GRM8: variants seen among roughly 807,000 people sequenced by gnomAD.
GRM8 encodes glutamate metabotropic receptor 8.
In GRM8, 47 loss-of-function variants were observed where a neutral mutation model predicts 87.2. The observed-to-expected ratio is 0.54, with a 90% CI of 0.43 to 0.69. GRM8 has a LOEUF of 0.69. GRM8 is among the 30% of genes least tolerant of loss of function. GRM8 has a pLI of 0.00. For missense variants in GRM8, 1,019 were observed against 1,139.2 expected, an observed-to-expected ratio of 0.89 and a Z score of 1.52; for synonymous variants, 396 against 404.5, an observed-to-expected ratio of 0.98 and a Z score of 0.25.
chr7:126,827,984 T>G (rs1794986690), intron 6 of GRM8, among the ~76,000 whole-genome samples: 1 of 152,142 alleles, frequency 6.6e-6, no homozygotes, highest in Admixed American at 6.6e-5. Flanking sequence ...TGGTTTTTGT[T>G]TTTGGTTCTG....
chr7:126,700,002 G>A (rs1809762284), intron 7 of GRM8, among the ~76,000 whole-genome samples: 1 of 152,136 alleles, frequency 6.6e-6, no homozygotes. Flanking sequence ...GGGAGATGGA[G>A]GATGTTAACT....
intron 8 of GRM8, among the ~76,000 whole-genome samples, chr7:126,600,098 G>C (rs1797587092): frequency 6.6e-6 from 1 of 152,098 alleles, no homozygotes; most frequent in Non-Finnish European, 1.5e-5. Flanking sequence ...AGTTTAAGGT[G>C]ATCATTGATT....
intron 2 of GRM8, among the ~76,000 whole-genome samples, chr7:127,130,551 G>A (rs567845494): frequency 4.8e-4 from 73 of 152,102 alleles, no homozygotes; most frequent in Non-Finnish European, 7.6e-4. Flanking sequence ...TTTTGCCCCC[G>A]CCCTAGAGAT....
At chr7:127,012,532 C>T (rs1483456037) in intron 3 of GRM8, among the ~76,000 whole-genome samples, 1 of 152,016 alleles carries the variant, frequency 6.6e-6, no homozygotes, top group Admixed American at 6.5e-5. Context: ...GCCTTCCGCT[C>T]TACTTAAATA....
chr7:127,064,265 T>C (rs528235804), intron 3 of GRM8, among the ~76,000 whole-genome samples: 2 of 152,324 alleles, frequency 1.3e-5, no homozygotes, highest in African/African-American at 4.8e-5. Flanking sequence ...TCTATGTCTC[T>C]GTGGGTCTCT....
intron 3 of GRM8, among the ~76,000 whole-genome samples, chr7:127,090,296 A>G (rs1772953830): frequency 6.6e-6 from 1 of 152,214 alleles, no homozygotes; most frequent in African/African-American, 2.4e-5. Flanking sequence ...AAGTTCTTGG[A>G]ACTTCATTTG....
intron 6 of GRM8, among the ~76,000 whole-genome samples, chr7:126,815,634 G>A (rs1793715946): frequency 6.6e-6 from 1 of 152,112 alleles, no homozygotes; most frequent in East Asian, 1.9e-4. Context: ...GCTACCTTAT[G>A]AAAAAGCTAC....
At chr7:126,930,378 G>C (rs1370679044) in intron 3 of GRM8, among the ~76,000 whole-genome samples, 1 of 152,196 alleles carries the variant, frequency 6.6e-6, no homozygotes, top group African/African-American at 2.4e-5. Flanking sequence ...AAATTGCTCA[G>C]TGTTGGTTAG....
At chr7:126,826,379 C>T (rs1794798896) in intron 6 of GRM8, among the ~76,000 whole-genome samples, 1 of 152,168 alleles carries the variant, frequency 6.6e-6, no homozygotes, top group Non-Finnish European at 1.5e-5. Context: ...TCTCCAGCAC[C>T]TGTTGTTTCC....
chr7:126,867,354 T>C (rs1204521), intron 6 of GRM8, among the ~76,000 whole-genome samples: 33,434 of 152,126 alleles, frequency 0.22, 4,278 homozygotes, highest in East Asian at 0.57. Context: ...CATTCGCTGT[T>C]GTGATTTACA....
chr7:126,830,767 A>C (rs1046492305), intron 6 of GRM8, among the ~76,000 whole-genome samples: 3 of 152,156 alleles, frequency 2.0e-5, no homozygotes, highest in African/African-American at 7.2e-5. Context: ...CCTTTGGAGG[A>C]GGAGAGGTGC....
chr7:126,666,564 C>T (rs538393444), intron 7 of GRM8, among the ~76,000 whole-genome samples: 4 of 152,142 alleles, frequency 2.6e-5, no homozygotes, highest in Non-Finnish European at 5.9e-5. Context: ...ATCAATCCTA[C>T]TGCGTCCAGC....
At chr7:126,910,066 A>T (rs1803134548) in intron 3 of GRM8, among the ~76,000 whole-genome samples, 1 of 152,094 alleles carries the variant, frequency 6.6e-6, no homozygotes, top group Non-Finnish European at 1.5e-5. Context: ...ACATAAATAC[A>T]GTCCTTCTGT....
chr7:126,907,813 G>A (rs567663989), intron 3 of GRM8, among the ~76,000 whole-genome samples: 3 of 152,298 alleles, frequency 2.0e-5, no homozygotes, highest in South Asian at 2.1e-4. Context: ...CAAGCAAGGA[G>A]GTATTGGAAT....
intron 6 of GRM8, among the ~76,000 whole-genome samples, chr7:126,807,373 A>C (rs548419516): frequency 1.1e-4 from 17 of 152,336 alleles, no homozygotes; most frequent in African/African-American, 3.8e-4. Flanking sequence ...TCTCAGGCCT[A>C]AGGAGCAGCG....
At chr7:126,930,022 A>G (rs1805596768) in intron 3 of GRM8, among the ~76,000 whole-genome samples, 1 of 152,202 alleles carries the variant, frequency 6.6e-6, no homozygotes, top group Non-Finnish European at 1.5e-5. Context: ...GAAGCTAAAG[A>G]TGAATGTGGA....
chr7:127,083,774 C>A (rs1293712563), intron 3 of GRM8, among the ~76,000 whole-genome samples: 1 of 152,150 alleles, frequency 6.6e-6, no homozygotes, highest in Non-Finnish European at 1.5e-5. Context: ...AAAATCGGCT[C>A]AAACACCATT....
At chr7:126,515,475 T>C (rs2150764364) in intron 9 of GRM8, among the ~76,000 whole-genome samples, 1 of 152,196 alleles carries the variant, frequency 6.6e-6, no homozygotes, top group Middle Eastern at 3.4e-3. Flanking sequence ...ATTGCTGTTA[T>C]AACAAAATTA....
At chr7:127,148,992 G>T (rs1488753701) in intron 2 of GRM8, among the ~76,000 whole-genome samples, 1 of 151,888 alleles carries the variant, frequency 6.6e-6, no homozygotes, top group Non-Finnish European at 1.5e-5. Context: ...TAGAAGAGAA[G>T]GAGCAACAGC....
Sources: allele counts gnomAD v4.1 joint callset (sites outside exome capture counted in the v4.1 genomes callset), GRCh38; gene constraint gnomAD v4.1.1; transcripts MANE v1.5; gene names NCBI Gene and HGNC (gene_info 2026-07-23, HGNC 2026-07-21).